The following FMN1 variants were observed in gnomAD, a reference collection of about 807,000 sequenced individuals.
FMN1 encodes the protein formin-1.
A neutral mutation model predicts 132.4 loss-of-function variants in FMN1; 110 were observed. The observed-to-expected ratio is 0.83, with a 90% confidence interval of 0.71 to 0.97. FMN1 has a LOEUF of 0.97. Ranked by LOEUF, FMN1 falls within the 50% of genes least tolerant of loss-of-function variation. The pLI is 0.00. For synonymous variants in FMN1, 722 were observed against 651.7 expected (o/e 1.11, Z -1.64); for missense variants, 1,792 against 1,705.3 (o/e 1.05, Z -0.90).
chr15:32,881,262 A>G (rs930389580), intron 16 of FMN1, among the ~76,000 whole-genome samples: 1 of 152,208 alleles, frequency 6.6e-6, no homozygotes, highest in African/African-American at 2.4e-5. Flanking sequence ...TTGTATAAAT[A>G]TGCACAAACT....
intron 4 of FMN1, among the ~76,000 whole-genome samples, chr15:33,104,935 A>G (rs2140095152): frequency 6.6e-6 from 1 of 152,190 alleles, no homozygotes; most frequent in South Asian, 2.1e-4. Context: ...ATTGGTGGTG[A>G]TTTCTGTGAT....
intron 6 of FMN1, among the ~76,000 whole-genome samples, chr15:33,010,131 C>G (rs9806630): frequency 0.012 from 1,836 of 152,198 alleles, 46 homozygotes; most frequent in African/African-American, 0.042. Context: ...TGATTCACCC[C>G]CCTCGGCTTC....
intron 16 of FMN1, among the ~76,000 whole-genome samples, chr15:32,885,443 G>T (rs1023592743): frequency 7.9e-5 from 12 of 152,198 alleles, no homozygotes; most frequent in African/African-American, 2.7e-4. Flanking sequence ...ACATGCCTTA[G>T]AAGTCGTATC....
At chr15:32,845,704 G>A (rs1378784652) in intron 17 of FMN1, among the ~76,000 whole-genome samples, 3 of 152,254 alleles carry the variant, frequency 2.0e-5, no homozygotes, top group South Asian at 4.1e-4. Context: ...CTATGCACCT[G>A]TTGAAGTCAA....
rs1435988810 is a variant in FMN1, at chr15:32,769,783, C to T, written c.*4527G>A. On this transcript the variant is annotated 3_prime_UTR_variant, in exon 21 of 21. Transcript: ENST00000616417. ...TTCTTTATGAGGTCAAAGTAGCAGA[C>T]ATGAATGAAAGTTCACTTCTTTATT... The T allele has an allele frequency of 1.3e-5, 2 of 152,190 alleles. No homozygotes were observed. Among genetic ancestry groups the T allele is most frequent in the South Asian group, 2.1e-4 (1 of 4,834 alleles). The allele number at this position is 152,190 out of a possible 1,614,324, so 9.4% of individuals were successfully genotyped here. A position where few individuals can be genotyped will look rare whatever the true frequency, so the allele number is the denominator to read the frequency against.
At chr15:33,185,163 A>C (rs62012808) in intron 2 of FMN1, among the ~76,000 whole-genome samples, 21,884 of 152,066 alleles carry the variant, frequency 0.14, 3,060 homozygotes, top group African/African-American at 0.36. Flanking sequence ...CCAGTTCTCA[A>C]CCCCAAGTTA....
chr15:32,939,330 G>GA (rs954045523), intron 9 of FMN1, among the ~76,000 whole-genome samples: 1 of 152,006 alleles, frequency 6.6e-6, no homozygotes, highest in African/African-American at 2.4e-5. Context: ...ACCCATTACC[G>GA]AAGAATTTAT....
intron 6 of FMN1, chr15:33,012,728 G>T (rs569275279): frequency 1.2e-5 from 9 of 752,840 alleles, no homozygotes; most frequent in Admixed American, 6.9e-5. Flanking sequence ...TTTCGTGGTG[G>T]CCATGGAGGT....
intron 17 of FMN1, among the ~76,000 whole-genome samples, chr15:32,822,126 A>C (rs1456324058): frequency 1.3e-5 from 2 of 152,158 alleles, no homozygotes; most frequent in East Asian, 1.9e-4. Flanking sequence ...AGGCAGGTGA[A>C]TCACCTGAGA....
At chr15:32,978,466 A>C (rs903974256) in intron 7 of FMN1, among the ~76,000 whole-genome samples, 4 of 152,222 alleles carry the variant, frequency 2.6e-5, no homozygotes, top group Admixed American at 1.3e-4. Flanking sequence ...CTATTTTTCC[A>C]AAAAGTAGTT....
intron 16 of FMN1, among the ~76,000 whole-genome samples, chr15:32,887,488 G>A (rs1056701034): frequency 4.6e-5 from 7 of 152,128 alleles, no homozygotes; most frequent in Non-Finnish European, 1.0e-4. Context: ...AAGCCAAAAA[G>A]GGGCTTTCAG....
intron 8 of FMN1, among the ~76,000 whole-genome samples, chr15:32,966,774 T>C (rs1182786661): frequency 6.6e-6 from 1 of 152,334 alleles, no homozygotes; most frequent in East Asian, 1.9e-4. Flanking sequence ...TTATATAAAC[T>C]ACTTAATCCT....
chr15:32,985,336 C>T (rs1175209374), intron 7 of FMN1, among the ~76,000 whole-genome samples: 2 of 152,084 alleles, frequency 1.3e-5, no homozygotes, highest in African/African-American at 4.8e-5. Flanking sequence ...GATTATCCTG[C>T]CTGCTGTGCT....
chr15:33,167,448 T>C (rs539209571), intron 3 of FMN1, among the ~76,000 whole-genome samples: 7 of 152,330 alleles, frequency 4.6e-5, no homozygotes, highest in Admixed American at 4.6e-4. Flanking sequence ...ATGTATTTAT[T>C]AGCAGTATGA....
At chr15:32,971,545 A>T (rs765926494) in intron 7 of FMN1, among the ~76,000 whole-genome samples, 1 of 152,052 alleles carries the variant, frequency 6.6e-6, no homozygotes, top group Non-Finnish European at 1.5e-5. Context: ...TTCCACCCAC[A>T]TCTTAGCCCT....
chr15:33,048,644 A>AAAAAAAAAAAAAACAACAAAAAC, intron 6 of FMN1, among the ~76,000 whole-genome samples: 1 of 86,920 alleles, frequency 1.2e-5, no homozygotes, highest in South Asian at 3.1e-4. Flanking sequence ...AAAAAAAAAA[A>AAAAAAAAAAAAAACAACAAAAAC]AAAAACCAAC....
At chr15:32,786,487 A>G (rs1455502307) in intron 19 of FMN1, among the ~76,000 whole-genome samples, 1 of 152,138 alleles carries the variant, frequency 6.6e-6, no homozygotes, top group African/African-American at 2.4e-5. Context: ...AAAAGTCAGA[A>G]AAGGGGTATA....
chr15:32,929,981 ATTTTTTTTTTT>A (rs377263342), intron 9 of FMN1, among the ~76,000 whole-genome samples: 3 of 91,970 alleles, frequency 3.3e-5, no homozygotes, highest in Non-Finnish European at 6.0e-5. Flanking sequence ...CTATTTTTAA[ATTTTTTTTTTT>A]TTTTTTTTTT....
Position 33,166,788 on chromosome 15 carries a change from C to G in FMN1, c.-131-11743G>C, listed in dbSNP as rs146186307. On this transcript the variant is annotated intron_variant, in intron 3 of 20. Transcript: ENST00000616417. ...GAGTTAGTTATTTTGAAATGCACTT[C>G]GTAAAATACCAGTGACCATATATAT... Among the ~76,000 whole-genome samples, 20 of 152,246 alleles carry G rather than the reference C, an allele frequency of 1.3e-4. No individual in the cohort carries two copies. In the East Asian group the frequency reaches 3.3e-3, roughly 25 times the overall value.
Sources: gnomAD v4.1 joint callset for allele counts (sites outside exome capture counted in the v4.1 genomes callset) on GRCh38, gnomAD v4.1.1 for gene constraint, MANE v1.5 for transcripts, NCBI Gene and HGNC (gene_info 2026-07-23, HGNC 2026-07-21) for gene names.